Variants in TENM4 observed in about 807,000 individuals in gnomAD.
The protein encoded by TENM4 is teneurin-4.
Under a neutral mutation model 243.3 loss-of-function variants are expected in TENM4, and 82 were observed. That is an observed-to-expected ratio of 0.34 (90% confidence interval 0.28 to 0.40). The LOEUF (loss-of-function observed/expected upper bound fraction) is 0.40, where lower values mean the gene tolerates loss of function less well. Among genes scored for constraint, TENM4 ranks in the 10% least tolerant of loss-of-function variants. TENM4 has a pLI of 1.00. For synonymous variants in TENM4, 1,412 were observed against 1,456.3 expected (o/e 0.97, Z 0.69); for missense variants, 3,138 against 3,673.3 (o/e 0.85, Z 3.77).
chr11:79,070,671 C>G lies in TENM4; in HGVS notation c.-65-662G>C, dbSNP rs199956050. The stretch of plus-strand genomic sequence containing the variant: ...TGGTCTCTAGCACCTCGAACAAGGG[C>G]TGGTACACAGTAGGCGCATAATAAA... On this transcript the variant is annotated intron_variant, in intron 4 of 33. Transcript: ENST00000278550. Among the ~76,000 whole-genome samples, 6 of 152,268 alleles carry G rather than the reference C, an allele frequency of 3.9e-5. No individual in the cohort carries two copies. In the East Asian group the frequency reaches 1.2e-3, roughly 29 times the overall value.
At chr11:79,091,800 T>C (rs1860960277) in intron 4 of TENM4, among the ~76,000 whole-genome samples, 1 of 152,176 alleles carries the variant, frequency 6.6e-6, no homozygotes, top group South Asian at 2.1e-4. Flanking sequence ...TTTTTTCAAA[T>C]ATACTTAGTG....
At chr11:79,329,187 T>C (rs887867522) in intron 1 of TENM4, among the ~76,000 whole-genome samples, 8 of 152,204 alleles carry the variant, frequency 5.3e-5, no homozygotes, top group East Asian at 1.9e-4. Context: ...CCTCATGGCA[T>C]GTAGATTTCT....
At position 78,828,210 on chromosome 11, in the gene TENM4, C is replaced by G. The variant is rs77668247; in HGVS notation, c.1682-13815G>C. ...GCTGATTTCTGTTTTTTCAAATTCC[C>G]TTTTTATAAATTGTTTCCAGACCTG... On this transcript the variant is annotated intron_variant, in intron 12 of 33. Transcript: ENST00000278550. Among the ~76,000 whole-genome samples the G allele has an allele frequency of 1.1e-4, 17 of 152,284 alleles. No individual in the cohort carries two copies. In the East Asian group the frequency reaches 3.1e-3, roughly 28 times the overall value.
At chr11:79,171,614 A>G (rs1863042138) in intron 3 of TENM4, among the ~76,000 whole-genome samples, 1 of 152,210 alleles carries the variant, frequency 6.6e-6, no homozygotes, top group Non-Finnish European at 1.5e-5. Flanking sequence ...TGGGAAACAG[A>G]GTTCCATTCT....
At chr11:79,294,675 C>G (rs1290274580) in intron 2 of TENM4, among the ~76,000 whole-genome samples, 2 of 152,016 alleles carry the variant, frequency 1.3e-5, no homozygotes, top group African/African-American at 4.8e-5. Flanking sequence ...ATGGTGAAAC[C>G]CTGTCTCTAC....
chr11:79,020,678 A>G (rs892759682), intron 6 of TENM4, among the ~76,000 whole-genome samples: 5 of 152,088 alleles, frequency 3.3e-5, no homozygotes, highest in African/African-American at 9.7e-5. Flanking sequence ...GTTGCTGACA[A>G]TGTTCAAACC....
At chr11:79,037,015 CAAAAAAAAAAAAAAAAAA>C (rs369421583) in intron 6 of TENM4, among the ~76,000 whole-genome samples, 5 of 91,150 alleles carry the variant, frequency 5.5e-5, no homozygotes, top group Non-Finnish European at 9.0e-5. Context: ...GACTCCATCT[CAAAAAAAAAAAAAAAAAA>C]AAAAAAAAAA....
intron 2 of TENM4, among the ~76,000 whole-genome samples, chr11:79,266,913 A>T (rs1025271760): frequency 2.6e-5 from 4 of 152,176 alleles, no homozygotes; most frequent in Non-Finnish European, 5.9e-5. Context: ...CATATATATA[A>T]ATTATGAGAT....
chr11:78,689,221 C>A (rs183246995), intron 28 of TENM4, among the ~76,000 whole-genome samples: 33 of 152,358 alleles, frequency 2.2e-4, no homozygotes, highest in African/African-American at 7.9e-4. Flanking sequence ...ACCTGCCTCT[C>A]TGTCTTCAAT....
At chr11:78,802,615 C>T (rs1034150149) in intron 15 of TENM4, among the ~76,000 whole-genome samples, 2 of 152,256 alleles carry the variant, frequency 1.3e-5, no homozygotes, top group Non-Finnish European at 2.9e-5. Flanking sequence ...CCTCCCTCAC[C>T]AGCATGGCTC....
chr11:79,004,788 TAAGA>T (rs1858432799), intron 6 of TENM4, among the ~76,000 whole-genome samples: 1 of 151,532 alleles, frequency 6.6e-6, no homozygotes, highest in Non-Finnish European at 1.5e-5. Context: ...CAAAAAACCA[TAAGA>T]AAGATCAATG....
chr11:79,254,246 A>G (rs1855662234), intron 2 of TENM4, among the ~76,000 whole-genome samples: 1 of 152,128 alleles, frequency 6.6e-6, no homozygotes, highest in Admixed American at 6.5e-5. Flanking sequence ...AAAAACTAGA[A>G]AAACGTAAGT....
chr11:78,818,485 C>T (rs144914032), intron 12 of TENM4, among the ~76,000 whole-genome samples: 43 of 151,884 alleles, frequency 2.8e-4, no homozygotes, highest in South Asian at 1.0e-3. Flanking sequence ...TTGGGAGACA[C>T]GAAATAATTT....
intron 14 of TENM4, among the ~76,000 whole-genome samples, chr11:78,806,222 C>A (rs1257611478): frequency 2.6e-5 from 4 of 152,160 alleles, no homozygotes; most frequent in African/African-American, 9.7e-5. Flanking sequence ...TTGCTTGAGT[C>A]CAGGAGGTCA....
At chr11:78,783,894 G>C (rs1441474274) in intron 16 of TENM4, among the ~76,000 whole-genome samples, 1 of 152,184 alleles carries the variant, frequency 6.6e-6, no homozygotes, top group African/African-American at 2.4e-5. Context: ...GGCTCTTAAC[G>C]CTGGGGACTT....
At chr11:78,692,220 C>A (rs1858844922) in intron 28 of TENM4, among the ~76,000 whole-genome samples, 1 of 152,118 alleles carries the variant, frequency 6.6e-6, no homozygotes, top group African/African-American at 2.4e-5. Context: ...TCTTTCTAAC[C>A]AAGAGGAATG....
intron 1 of TENM4, among the ~76,000 whole-genome samples, chr11:79,338,983 C>G (rs898829174): frequency 3.9e-5 from 6 of 152,182 alleles, no homozygotes; most frequent in African/African-American, 9.7e-5. Flanking sequence ...AAAGGCCGAG[C>G]CTTGAAGCGG....
chr11:79,338,634 C>G (rs1353774811), intron 1 of TENM4, among the ~76,000 whole-genome samples: 1 of 152,226 alleles, frequency 6.6e-6, no homozygotes, highest in Non-Finnish European at 1.5e-5. Context: ...AGAAGCTCCC[C>G]AAACTATCCT....
chr11:78,869,209 G>A (rs966503347), intron 9 of TENM4, among the ~76,000 whole-genome samples: 20 of 149,930 alleles, frequency 1.3e-4, no homozygotes, highest in Non-Finnish European at 2.4e-4. Flanking sequence ...GGTACAGGAT[G>A]GAATATAAGG....
Sources: allele counts gnomAD v4.1 joint callset (sites outside exome capture counted in the v4.1 genomes callset), GRCh38; gene constraint gnomAD v4.1.1; transcripts MANE v1.5; gene names NCBI Gene and HGNC (gene_info 2026-07-23, HGNC 2026-07-21).